Variants in CTNNA3 observed in about 807,000 individuals in gnomAD.
The protein encoded by CTNNA3 is catenin alpha 3.
Under a neutral mutation model 95.7 loss-of-function variants are expected in CTNNA3, and 76 were observed. The observed-to-expected ratio is 0.79, with a 90% confidence interval of 0.66 to 0.96. CTNNA3 has a LOEUF of 0.96. CTNNA3 is among the 40% of genes least tolerant of loss of function. The pLI, the probability that CTNNA3 is intolerant of heterozygous loss-of-function variation, is 0.00. For missense variants in CTNNA3, 1,191 were observed against 1,089.8 expected, an observed-to-expected ratio of 1.09 and a Z score of -1.31; for synonymous variants, 431 against 374.4, an observed-to-expected ratio of 1.15 and a Z score of -1.74.
intron 7 of CTNNA3, among the ~76,000 whole-genome samples, chr10:67,072,854 T>A (rs896386747): frequency 6.6e-6 from 1 of 152,202 alleles, no homozygotes; most frequent in Non-Finnish European, 1.5e-5. Flanking sequence ...TTTGTTTATT[T>A]CCTACTAAAA....
intron 5 of CTNNA3, among the ~76,000 whole-genome samples, chr10:67,326,418 G>A (rs187799536): frequency 2.0e-5 from 3 of 151,582 alleles, no homozygotes; most frequent in Non-Finnish European, 4.4e-5. Context: ...TAAAGTAGTT[G>A]ATGGTAACAA....
chr10:67,756,897 A>T (rs535739391), intron 1 of CTNNA3, among the ~76,000 whole-genome samples: 10 of 152,348 alleles, frequency 6.6e-5, no homozygotes, highest in Middle Eastern at 3.4e-3. Flanking sequence ...TATGTAAAAA[A>T]ATATATATAA....
At chr10:66,187,713 C>T (rs1430086200) in intron 13 of CTNNA3, among the ~76,000 whole-genome samples, 2 of 151,884 alleles carry the variant, frequency 1.3e-5, no homozygotes, top group African/African-American at 2.4e-5. Flanking sequence ...AAAAAGAATG[C>T]TAATTTTACA....
At chr10:66,971,254 C>A (rs1040564819) in intron 7 of CTNNA3, among the ~76,000 whole-genome samples, 2 of 151,872 alleles carry the variant, frequency 1.3e-5, no homozygotes, top group Non-Finnish European at 2.9e-5. Flanking sequence ...AGTGAAACCC[C>A]GTCTCTACTA....
chr10:67,641,195 AG>A (rs1839519877), intron 2 of CTNNA3, among the ~76,000 whole-genome samples: 1 of 152,220 alleles, frequency 6.6e-6, no homozygotes, highest in African/African-American at 2.4e-5. Context: ...AAGTGGGCAA[AG>A]GATATGAACA....
intron 11 of CTNNA3, among the ~76,000 whole-genome samples, chr10:66,427,293 C>T (rs1449433740): frequency 6.6e-6 from 1 of 151,300 alleles, no homozygotes; most frequent in African/African-American, 2.4e-5. Context: ...GATTTTTATC[C>T]TTGCTACTTA....
At chr10:67,588,984 T>C (rs965268275) in intron 3 of CTNNA3, among the ~76,000 whole-genome samples, 2 of 152,072 alleles carry the variant, frequency 1.3e-5, no homozygotes, top group South Asian at 2.1e-4. Flanking sequence ...GCCTTATCTA[T>C]CTAGTTGACT....
intron 13 of CTNNA3, among the ~76,000 whole-genome samples, chr10:66,175,344 A>G (rs2085654134): frequency 6.6e-6 from 1 of 152,208 alleles, no homozygotes; most frequent in Non-Finnish European, 1.5e-5. Context: ...CAGACTATGA[A>G]TAGAATAGGT....
intron 6 of CTNNA3, among the ~76,000 whole-genome samples, chr10:67,199,220 G>A (rs907883526): frequency 1.3e-5 from 2 of 152,126 alleles, no homozygotes; most frequent in Non-Finnish European, 2.9e-5. Flanking sequence ...AAACCAATAC[G>A]CTTCTGTGTT....
chr10:66,156,844 G>T (rs1016949595), intron 13 of CTNNA3, among the ~76,000 whole-genome samples: 1 of 151,782 alleles, frequency 6.6e-6, no homozygotes, highest in South Asian at 2.1e-4. Context: ...TAATCTAAGT[G>T]TGTGAAAGGT....
chr10:67,385,180 G>A (rs773382264), intron 5 of CTNNA3, among the ~76,000 whole-genome samples: 15 of 152,194 alleles, frequency 9.9e-5, no homozygotes, highest in Non-Finnish European at 2.1e-4. Flanking sequence ...TACCAAAAAA[G>A]GGAAAGAGAT....
At chr10:66,654,001 T>A (rs1298567648) in intron 9 of CTNNA3, among the ~76,000 whole-genome samples, 1 of 152,046 alleles carries the variant, frequency 6.6e-6, no homozygotes, top group African/African-American at 2.4e-5. Context: ...ACTGTAAAAC[T>A]GCTAGAAGAA....
intron 14 of CTNNA3, among the ~76,000 whole-genome samples, chr10:66,095,987 T>G (rs913960052): frequency 6.6e-6 from 1 of 152,156 alleles, no homozygotes; most frequent in Non-Finnish European, 1.5e-5. Context: ...TTCTGTAATT[T>G]GGGGTCATCA....
chr10:66,028,735 A>T (rs2133449802), intron 15 of CTNNA3, among the ~76,000 whole-genome samples: 1 of 152,274 alleles, frequency 6.6e-6, no homozygotes, highest in Admixed American at 6.5e-5. Context: ...TCTAAAACTT[A>T]AAGTATAATT....
intron 1 of CTNNA3, among the ~76,000 whole-genome samples, chr10:67,666,173 G>A (rs1241058711): frequency 2.0e-5 from 3 of 152,110 alleles, no homozygotes; most frequent in Non-Finnish European, 4.4e-5. Flanking sequence ...AATTGATCCC[G>A]TTACCCAGGT....
chr10:65,950,268 G>T (rs1488290033), intron 17 of CTNNA3, among the ~76,000 whole-genome samples: 2 of 152,098 alleles, frequency 1.3e-5, no homozygotes, highest in Admixed American at 1.3e-4. Context: ...AGACTGAAAT[G>T]ACTACTTTTG....
intron 7 of CTNNA3, among the ~76,000 whole-genome samples, chr10:66,963,408 T>C (rs1849229878): frequency 6.6e-6 from 1 of 152,226 alleles, no homozygotes. Context: ...AATGAAATTA[T>C]ATGCACAAAG....
At chr10:66,411,509 T>A (rs2093105381) in intron 11 of CTNNA3, among the ~76,000 whole-genome samples, 1 of 152,020 alleles carries the variant, frequency 6.6e-6, no homozygotes, top group South Asian at 2.1e-4. Flanking sequence ...GGTAATTTTT[T>A]ATATAAATAT....
chr10:66,356,747 T>C (rs972349422), intron 12 of CTNNA3, among the ~76,000 whole-genome samples: 2 of 152,050 alleles, frequency 1.3e-5, no homozygotes, highest in African/African-American at 4.8e-5. Context: ...TGTGGGCTTT[T>C]TGTTGATACC....
Sources: allele counts gnomAD v4.1 joint callset (sites outside exome capture counted in the v4.1 genomes callset), GRCh38; gene constraint gnomAD v4.1.1; transcripts MANE v1.5; gene names NCBI Gene and HGNC (gene_info 2026-07-23, HGNC 2026-07-21).